The following GLYAT variants were observed in gnomAD, a reference collection of about 807,000 sequenced individuals.
GLYAT encodes the protein glycine N-acyltransferase.
A neutral mutation model predicts 22.8 loss-of-function variants in GLYAT; 25 were observed. That is an observed-to-expected ratio of 1.09 (90% confidence interval 0.80 to 1.53). The LOEUF is 1.53. GLYAT is among the 40% of genes most tolerant of loss of function. The pLI is 0.00. For missense variants in GLYAT, 411 were observed against 353.9 expected, an observed-to-expected ratio of 1.16 and a Z score of -1.29; for synonymous variants, 140 against 122.7, an observed-to-expected ratio of 1.14 and a Z score of -0.93.
chr11:58,729,159 C>T (rs1856846459), intron 1 of GLYAT, among the ~76,000 whole-genome samples: 1 of 152,170 alleles, frequency 6.6e-6, no homozygotes, highest in South Asian at 2.1e-4. Flanking sequence ...TTCTTCAACA[C>T]AGTGTCTGCT....
chr11:58,713,802 T>G (rs868338387), intron 3 of GLYAT, among the ~76,000 whole-genome samples: 15 of 152,270 alleles, frequency 9.9e-5, no homozygotes, highest in Middle Eastern at 3.4e-3. Flanking sequence ...CTGACACATT[T>G]TGTTGCTTAA....
chr11:58,725,945 A>T (rs1446790079), intron 1 of GLYAT, among the ~76,000 whole-genome samples: 1 of 152,082 alleles, frequency 6.6e-6, no homozygotes, highest in Non-Finnish European at 1.5e-5. Context: ...TTACCAGTCA[A>T]ATGTCCCTAG....
At chr11:58,721,931 T>C (rs1004136770) in intron 2 of GLYAT, among the ~76,000 whole-genome samples, 6 of 152,020 alleles carry the variant, frequency 3.9e-5, no homozygotes, top group African/African-American at 1.4e-4. Flanking sequence ...AAACTAACAA[T>C]GATCACCCAA....
chr11:58,715,415 T>C lies in GLYAT; in HGVS notation c.90A>G (p.Gly30=). Residue 30 remains glycine, a synonymous_variant, in exon 3 of 6, where the codon GGA becomes GGG. Coordinates refer to ENST00000344743, the MANE Select transcript of GLYAT (RefSeq NM_201648.3). ...KSLPASLKVY[G]TVFHINHGNP... Reference sequence around the variant, plus strand: ...TTCCATGGTTTATGTGAAAGACAGTTCCATAAACCTGCAGGATCCCAAGAA... The same window carrying C: ...TTCCATGGTTTATGTGAAAGACAGTCCCATAAACCTGCAGGATCCCAAGAA... The C allele has an allele frequency of 6.6e-7, 1 of 1,503,966 alleles. No individual in the cohort carries two copies. Among genetic ancestry groups the C allele is most frequent in the Non-Finnish European group, 9.2e-7 (1 of 1,081,890 alleles). 93.2% of individuals were successfully genotyped at this position (1,503,966 alleles called of 1,614,324 possible). A position where few individuals can be genotyped will look rare whatever the true frequency, so the allele number is the denominator to read the frequency against.
intron 4 of GLYAT, 28 bp from the exon 5 acceptor site, chr11:58,710,789 A>G: frequency 1.5e-6 from 2 of 1,321,170 alleles, no homozygotes; most frequent in Non-Finnish European, 2.2e-6. Context: ...CAGAGATGAA[A>G]TGGTTTAGGT....
In GLYAT at chr11:58,715,412, A is replaced by G. The variant is rs200363688; in HGVS notation, c.93T>C (p.Thr31=). The G allele has an allele frequency of 2.6e-6, 4 of 1,538,702 alleles. No individual in the cohort carries two copies. The highest frequency in any genetic ancestry group is 3.6e-6 in the Non-Finnish European group (4 of 1,113,178). ...SLPASLKVYG[T]VFHINHGNPF... is the part of the protein sequence containing the mutation. Reference sequence around the variant, plus strand: ...GATTTCCATGGTTTATGTGAAAGACAGTTCCATAAACCTGCAGGATCCCAA... The same window carrying G: ...GATTTCCATGGTTTATGTGAAAGACGGTTCCATAAACCTGCAGGATCCCAA... The change falls in exon 3 of 6, where the codon ACT becomes ACC. Residue 31 remains threonine (T), a synonymous_variant. Transcript: ENST00000344743.
intron 3 of GLYAT, among the ~76,000 whole-genome samples, chr11:58,713,209 A>G (rs1464788452): frequency 6.6e-6 from 1 of 152,172 alleles, no homozygotes; most frequent in East Asian, 1.9e-4. Flanking sequence ...TATGTTAAAC[A>G]TTAGAACTTA....
chr11:58,718,515 C>T (rs1856711063), intron 2 of GLYAT, among the ~76,000 whole-genome samples: 1 of 151,944 alleles, frequency 6.6e-6, no homozygotes, highest in African/African-American at 2.4e-5. Flanking sequence ...TCACAATCTC[C>T]AAAGTTATCA....
chr11:58,728,382 A>G (rs575478325), intron 1 of GLYAT, among the ~76,000 whole-genome samples: 55 of 151,956 alleles, frequency 3.6e-4, no homozygotes, highest in Non-Finnish European at 6.9e-4. Flanking sequence ...AAAAACTTTC[A>G]CTGTGGCTCT....
intron 2 of GLYAT, among the ~76,000 whole-genome samples, chr11:58,720,387 G>A (rs983143240): frequency 1.3e-5 from 2 of 151,914 alleles, no homozygotes; most frequent in Admixed American, 6.6e-5. Context: ...GATTATTTAT[G>A]AAAACTGTGA....
rs753646656 is a variant in GLYAT, at chr11:58,709,731, A to G, written c.*35T>C. On this transcript the variant is annotated 3_prime_UTR_variant, in exon 6 of 6. Coordinates refer to ENST00000344743, the MANE Select transcript of GLYAT (RefSeq NM_201648.3). ...TCCACTCCTCAAATTATACGCCCAG[A>G]CCTGCCCAACACTGTCTTATGTTCA... 4 of 1,570,272 alleles carry G rather than the reference A, an allele frequency of 2.5e-6. No homozygotes were observed. Among genetic ancestry groups the G allele is most frequent in the East Asian group, 2.3e-5 (1 of 44,408 alleles).
Position 58,709,984 on chromosome 11 carries a change from T to A in GLYAT, c.673A>T (p.Thr225Ser). The change falls in exon 6 of 6, where the codon ACT (threonine) becomes TCT (serine). Residue 225 changes from threonine (T) to serine (S), a missense_variant. Transcript: ENST00000344743. Reference sequence around the variant, plus strand: ...GTGCCTGCCATTCTCATCTCTCCAGTCTGGTCCATTAGATCCCAGCACACA... The same window carrying A: ...GTGCCTGCCATTCTCATCTCTCCAGACTGGTCCATTAGATCCCAGCACACA... ...TPVCWDLMDQ[T>S]GEMRMAGTLP... 1 of 1,614,078 alleles carries A rather than the reference T, an allele frequency of 6.2e-7. No homozygotes were observed. Among genetic ancestry groups the A allele is most frequent in the South Asian group, 1.1e-5 (1 of 91,082 alleles).
intron 2 of GLYAT, among the ~76,000 whole-genome samples, chr11:58,718,575 A>G (rs1856711646): frequency 6.6e-6 from 1 of 151,964 alleles, no homozygotes; most frequent in Non-Finnish European, 1.5e-5. Context: ...TGATTATAAA[A>G]CCACCTTCTA....
At chr11:58,714,635 G>T (rs550834354) in intron 3 of GLYAT, among the ~76,000 whole-genome samples, 2 of 152,058 alleles carry the variant, frequency 1.3e-5, no homozygotes, top group African/African-American at 4.8e-5. Flanking sequence ...TTCCCCCACC[G>T]TGTCTTTGTG....
At chr11:58,715,977 A>G (rs1213068481) in intron 2 of GLYAT, among the ~76,000 whole-genome samples, 1 of 152,142 alleles carries the variant, frequency 6.6e-6, no homozygotes, top group Non-Finnish European at 1.5e-5. Flanking sequence ...ACATGTTTAA[A>G]ACTCTTTAGC....
chr11:58,724,656 A>G, intron 1 of GLYAT, 145 bp from the exon 2 acceptor site: 1 of 414,174 alleles, frequency 2.4e-6, no homozygotes, highest in Non-Finnish European at 4.3e-6. Context: ...AGAGAAAATG[A>G]GACTCGTAGA....
chr11:58,718,974 A>G (rs993362415), intron 2 of GLYAT, among the ~76,000 whole-genome samples: 6 of 152,016 alleles, frequency 3.9e-5, no homozygotes, highest in African/African-American at 1.2e-4. Context: ...AGACAGCCCA[A>G]AGAAAACCAA....
At position 58,709,487 on chromosome 11, in the gene GLYAT, G is replaced by T; in HGVS notation, c.*279C>A. On this transcript the variant is annotated 3_prime_UTR_variant, in exon 6 of 6. Transcript: ENST00000344743. ...GGGATTCCAGGAGAAGTAATTTGGAGCAATATGTATCTGATGAAGTGTCAT... is the reference window on the plus strand; with the variant it reads ...GGGATTCCAGGAGAAGTAATTTGGATCAATATGTATCTGATGAAGTGTCAT... 3.6e-6 allele frequency: 1 copy of T among 278,202 alleles called. No homozygotes were observed. Among genetic ancestry groups the T allele is most frequent in the Non-Finnish European group, 6.7e-6 (1 of 148,864 alleles). The allele number at this position is 278,202 out of a possible 1,614,324, so 17.2% of individuals were successfully genotyped here.
At position 58,709,790 on chromosome 11, in the gene GLYAT, G is replaced by C; in HGVS notation, c.867C>G (p.Asn289Lys). Residue 289 changes from asparagine (N) to lysine (K), a missense_variant, in exon 6 of 6, where the codon AAC (asparagine) becomes AAG (lysine). Transcript: ENST00000344743. ...LQHVPIPRSWNQWNCVPL is the reference protein window; with the variant it reads ...LQHVPIPRSWKQWNCVPL ...ATCACAGAGGTACACAGTTCCACTGGTTCCAGCTTCTGGGAATGGGAACAT... is the reference window on the plus strand; with the variant it reads ...ATCACAGAGGTACACAGTTCCACTGCTTCCAGCTTCTGGGAATGGGAACAT... The C allele has an allele frequency of 6.2e-7, 1 of 1,612,614 alleles. No homozygotes were observed. Among genetic ancestry groups the C allele is most frequent in the South Asian group, 1.1e-5 (1 of 90,806 alleles).
Sources: allele counts gnomAD v4.1 joint callset (sites outside exome capture counted in the v4.1 genomes callset), GRCh38; gene constraint gnomAD v4.1.1; transcripts MANE v1.5; gene names NCBI Gene and HGNC (gene_info 2026-07-23, HGNC 2026-07-21).